Variants in EPHB2 observed in about 807,000 individuals in gnomAD.
The protein encoded by EPHB2 is EPH receptor B2, also known as ephrin type-B receptor 2.
A neutral mutation model predicts 96.4 loss-of-function variants in EPHB2; 18 were observed. The observed-to-expected ratio is 0.19, with a 90% CI of 0.13 to 0.28. The LOEUF (loss-of-function observed/expected upper bound fraction) is 0.28. Ranked by LOEUF, EPHB2 falls within the 10% of genes least tolerant of loss-of-function variation. The probability of loss-of-function intolerance (pLI) is 1.00; values close to 1 mark genes in which losing one functional copy is unlikely to be tolerated. For synonymous variants in EPHB2, 506 were observed against 534.1 expected, an observed-to-expected ratio of 0.95 and a Z score of 0.72; for missense variants, 989 against 1,355.4, an observed-to-expected ratio of 0.73 and a Z score of 4.25.
rs770850158 is a variant in EPHB2 at position 22,853,324 on chromosome 1, G to T, written c.812-9713G>T. Reference sequence around the variant, plus strand: ...GCCAAGATCGCGCCGCTGCACTCCAGCCTGGGCGACAAACAATTCCTGAAG... The same window carrying T: ...GCCAAGATCGCGCCGCTGCACTCCATCCTGGGCGACAAACAATTCCTGAAG... On this transcript the variant is annotated intron_variant, in intron 3 of 15. Transcript: ENST00000374630. 4.6e-5 allele frequency among the ~76,000 whole-genome samples: 7 copies of T among 152,222 alleles called. 1 individual carries two copies. Among genetic ancestry groups the T allele is most frequent in the Admixed American group, 2.0e-4 (3 of 15,284 alleles).
At chr1:22,818,810 C>G (rs915152170) in intron 3 of EPHB2, among the ~76,000 whole-genome samples, 1 of 152,158 alleles carries the variant, frequency 6.6e-6, no homozygotes, top group African/African-American at 2.4e-5. Context: ...ACTCCCTCCC[C>G]CAAGACTGGG....
At chr1:22,732,282 G>T (rs2148353254) in intron 1 of EPHB2, among the ~76,000 whole-genome samples, 1 of 151,956 alleles carries the variant, frequency 6.6e-6, no homozygotes, top group African/African-American at 2.4e-5. Context: ...TGGCTCCCAG[G>T]AGTGGGAGCC....
At chr1:22,714,063 A>C (rs916798556) in intron 1 of EPHB2, among the ~76,000 whole-genome samples, 2 of 152,168 alleles carry the variant, frequency 1.3e-5, no homozygotes, top group African/African-American at 4.8e-5. Context: ...GCCTCCTTAC[A>C]TCTGCTCCTT....
chr1:22,713,783 C>G (rs953990616), intron 1 of EPHB2, among the ~76,000 whole-genome samples: 1 of 152,176 alleles, frequency 6.6e-6, no homozygotes, highest in Non-Finnish European at 1.5e-5. Context: ...CGGTTAAGTC[C>G]CCAGGAAATC....
chr1:22,759,948 G>A (rs2817889), intron 1 of EPHB2, among the ~76,000 whole-genome samples: 113,776 of 151,978 alleles, frequency 0.75, 42,810 homozygotes, highest in Middle Eastern at 0.87. Context: ...AACCTGCCCC[G>A]GATCCCACCC....
chr1:22,762,062 G>A (rs1419417676), intron 1 of EPHB2, among the ~76,000 whole-genome samples: 2 of 152,240 alleles, frequency 1.3e-5, no homozygotes, highest in African/African-American at 4.8e-5. Flanking sequence ...GCGGGGCTCT[G>A]AGGCCTGCTG....
Position 22,875,088 on chromosome 1 carries a change from G to A in EPHB2, c.1304-7271G>A, listed in dbSNP as rs1369314780. 1.3e-5 allele frequency among the ~76,000 whole-genome samples: 2 copies of A among 152,134 alleles called. No individual in the cohort carries two copies. The highest frequency in any genetic ancestry group is 2.9e-5 in the Non-Finnish European group (2 of 68,032). ...AGTGCCACCCTAGCACCAGTTGTCAGCTTTTCCTTTTTTCTGTCCCATACC... is the reference window on the plus strand; with the variant it reads ...AGTGCCACCCTAGCACCAGTTGTCAACTTTTCCTTTTTTCTGTCCCATACC... On this transcript the variant is annotated intron_variant, in intron 5 of 15. Coordinates refer to ENST00000374630, the MANE Select transcript of EPHB2 (RefSeq NM_017449.5). This position sits in a 1 kb window ranked among gnomAD's most constrained non-coding sequence, Gnocchi z 4.2.
intron 2 of EPHB2, among the ~76,000 whole-genome samples, chr1:22,782,282 G>C (rs1364937088): frequency 1.3e-5 from 2 of 152,116 alleles, no homozygotes; most frequent in African/African-American, 2.4e-5. Context: ...ACAATGCCTG[G>C]CATAGATTGG....
chr1:22,808,241 C>T (rs1021441706), intron 3 of EPHB2, among the ~76,000 whole-genome samples: 26 of 152,292 alleles, frequency 1.7e-4, no homozygotes, highest in African/African-American at 6.3e-4. Context: ...ACTGAGGTTC[C>T]CCAAACCTGA....
intron 1 of EPHB2, among the ~76,000 whole-genome samples, chr1:22,727,815 T>A (rs952751978): frequency 2.0e-5 from 3 of 150,986 alleles, no homozygotes; most frequent in Non-Finnish European, 3.0e-5. Flanking sequence ...AAAAAACTTT[T>A]TTTTTTAATG....
chr1:22,765,546 C>CAAAAA lies in EPHB2; in HGVS notation c.62-15862_62-15858dup, dbSNP rs10667863. Among the ~76,000 whole-genome samples the CAAAAA allele has an allele frequency of 3.2e-3, 369 of 115,190 alleles. 21 individuals are homozygous for CAAAAA. In the East Asian group the frequency reaches 0.034, roughly 11 times the overall value. 75.6% of individuals were successfully genotyped at this position (115,190 alleles called of 152,430 possible). ...TGGGTGACAGAGAGAGACCCTGTCG[C>CAAAAA]AAAAAAAAAAAAAAAAACATTGAGT... On this transcript the variant is annotated intron_variant, in intron 1 of 15. Transcript: ENST00000374630.
At chr1:22,747,181 G>A (rs551050254) in intron 1 of EPHB2, among the ~76,000 whole-genome samples, 2,174 of 152,312 alleles carry the variant, frequency 0.014, 62 homozygotes, top group African/African-American at 0.049. Context: ...TTCAGTCACC[G>A]GACTGAGGGC....
At chr1:22,838,120 A>G (rs1645411815) in intron 3 of EPHB2, among the ~76,000 whole-genome samples, 1 of 152,206 alleles carries the variant, frequency 6.6e-6, no homozygotes, top group South Asian at 2.1e-4. Context: ...TTTGGCACTG[A>G]AAAACCTGGG....
chr1:22,743,056 T>A (rs982569596), intron 1 of EPHB2, among the ~76,000 whole-genome samples: 9 of 151,278 alleles, frequency 5.9e-5, no homozygotes, highest in African/African-American at 1.9e-4. Context: ...CACGCCCAGC[T>A]AATTTTTAAA....
At chr1:22,881,155 C>T (rs1394185909) in intron 5 of EPHB2, among the ~76,000 whole-genome samples, 1 of 152,202 alleles carries the variant, frequency 6.6e-6, no homozygotes, top group Non-Finnish European at 1.5e-5. Context: ...AACCCCAGCA[C>T]TCTGGGAGAC....
chr1:22,771,580 G>A (rs1357638093), intron 1 of EPHB2, among the ~76,000 whole-genome samples: 1 of 152,200 alleles, frequency 6.6e-6, no homozygotes, highest in African/African-American at 2.4e-5. Context: ...GCCACGTCTT[G>A]CAAGTGACTG....
intron 3 of EPHB2, among the ~76,000 whole-genome samples, chr1:22,839,220 AAC>A (rs1008001978): frequency 1.3e-5 from 2 of 152,186 alleles, no homozygotes; most frequent in African/African-American, 4.8e-5. Context: ...ATCTCAACGC[AAC>A]ACTCTGGGCA....
intron 3 of EPHB2, among the ~76,000 whole-genome samples, chr1:22,799,861 C>T (rs1644817602): frequency 6.6e-6 from 1 of 152,212 alleles, no homozygotes; most frequent in Non-Finnish European, 1.5e-5. Context: ...GGGGTCTTTG[C>T]AGGCCTGACC....
In EPHB2 at chr1:22,875,474, C is replaced by T. The variant is rs1315726217; in HGVS notation, c.1304-6885C>T. On this transcript the variant is annotated intron_variant, in intron 5 of 15. Coordinates refer to ENST00000374630, the MANE Select transcript of EPHB2 (RefSeq NM_017449.5). This position sits in a 1 kb window ranked among gnomAD's most constrained non-coding sequence, Gnocchi z 4.2. The stretch of plus-strand genomic sequence containing the variant: ...CAGGGCCTGGGGGAGAGGGAAACTG[C>T]CTTCCGCTGGCTGCTTGGGAAGTAC... 6.6e-6 allele frequency among the ~76,000 whole-genome samples: 1 copy of T among 152,208 alleles called. No homozygotes were observed. Among genetic ancestry groups the T allele is most frequent in the African/African-American group, 2.4e-5 (1 of 41,454 alleles).
Sources: gnomAD v4.1 joint callset for allele counts (sites outside exome capture counted in the v4.1 genomes callset) on GRCh38, gnomAD v4.1.1 for gene constraint, Gnocchi (gnomAD v3.1) non-coding constraint, MANE v1.5 for transcripts, NCBI Gene and HGNC (gene_info 2026-07-23, HGNC 2026-07-21) for gene names.